ALCAM: variants seen among roughly 807,000 people sequenced by gnomAD.
The protein encoded by ALCAM is CD166 antigen.
ALCAM carries 30 observed loss-of-function variants against 70.9 expected under a neutral mutation model. The ratio of observed to expected loss-of-function variants is 0.42; its 90% CI spans 0.32 to 0.57. The LOEUF (loss-of-function observed/expected upper bound fraction) is 0.57. Among genes scored for constraint, ALCAM ranks in the 20% least tolerant of loss-of-function variants. ALCAM has a pLI of 0.11. For missense variants in ALCAM, 591 were observed against 695.1 expected, an observed-to-expected ratio of 0.85 and a Z score of 1.68; for synonymous variants, 249 against 242.5, an observed-to-expected ratio of 1.03 and a Z score of -0.25.
At chr3:105,513,888 G>A (rs1310272368) in intron 1 of ALCAM, among the ~76,000 whole-genome samples, 1 of 151,888 alleles carries the variant, frequency 6.6e-6, no homozygotes, top group Non-Finnish European at 1.5e-5. Flanking sequence ...TGTTCCTTAT[G>A]AAGATCAAAG....
chr3:105,564,811 C>T (rs1940708555), intron 14 of ALCAM, among the ~76,000 whole-genome samples: 2 of 152,172 alleles, frequency 1.3e-5, no homozygotes, highest in African/African-American at 2.4e-5. Flanking sequence ...TTCGGGAGGC[C>T]GAGGCAGGCA....
intron 1 of ALCAM, among the ~76,000 whole-genome samples, chr3:105,384,113 T>C (rs1935592037): frequency 6.6e-6 from 1 of 151,662 alleles, no homozygotes; most frequent in Non-Finnish European, 1.5e-5. Context: ...AATCTGGTTT[T>C]ATTTTTACAA....
intron 1 of ALCAM, among the ~76,000 whole-genome samples, chr3:105,505,331 C>T (rs1345056144): frequency 2.0e-5 from 3 of 152,260 alleles, no homozygotes; most frequent in African/African-American, 7.2e-5. Context: ...GAACCAGGGA[C>T]ATCTTACATG....
intron 1 of ALCAM, among the ~76,000 whole-genome samples, chr3:105,471,486 C>T (rs1405811179): frequency 2.6e-5 from 4 of 151,112 alleles, no homozygotes; most frequent in Admixed American, 6.6e-5. Context: ...CACGTAAATA[C>T]GACTTCATTT....
At chr3:105,552,806 G>A (rs749181593) in intron 14 of ALCAM, 1 of 1,338,602 alleles carries the variant, frequency 7.5e-7, no homozygotes, top group African/African-American at 1.5e-5. Flanking sequence ...CCGTTTATTT[G>A]TCTCAATCAA....
At chr3:105,559,893 G>C (rs1393607752) in intron 14 of ALCAM, among the ~76,000 whole-genome samples, 3 of 152,010 alleles carry the variant, frequency 2.0e-5, no homozygotes, top group Non-Finnish European at 2.9e-5. Context: ...CCTATGAGTG[G>C]CTTCTTTTTT....
At chr3:105,544,427 G>GTTTC in intron 8 of ALCAM, among the ~76,000 whole-genome samples, 1 of 151,368 alleles carries the variant, frequency 6.6e-6, no homozygotes, top group Non-Finnish European at 1.5e-5. Context: ...GTCTTCATTT[G>GTTTC]TACCTCTGTT....
chr3:105,387,930 T>C (rs1214320260), intron 1 of ALCAM, among the ~76,000 whole-genome samples: 1 of 151,608 alleles, frequency 6.6e-6, no homozygotes, highest in African/African-American at 2.4e-5. Flanking sequence ...GCATTATCTC[T>C]TTTTTTAATA....
intron 1 of ALCAM, among the ~76,000 whole-genome samples, chr3:105,519,602 A>G (rs1330015091): frequency 6.6e-6 from 1 of 152,136 alleles, no homozygotes; most frequent in Non-Finnish European, 1.5e-5. Context: ...TGAATTTTAC[A>G]GAAGAAAAAT....
intron 8 of ALCAM, among the ~76,000 whole-genome samples, chr3:105,542,615 A>G (rs1226531380): frequency 2.0e-5 from 3 of 151,880 alleles, no homozygotes; most frequent in African/African-American, 7.2e-5. Context: ...TCTAGACATC[A>G]TCCACTACAA....
At chr3:105,569,391 A>G (rs1360236897) in intron 14 of ALCAM, among the ~76,000 whole-genome samples, 1 of 152,156 alleles carries the variant, frequency 6.6e-6, no homozygotes, top group African/African-American at 2.4e-5. Flanking sequence ...TATAGAAATT[A>G]TAGTTATTAG....
chr3:105,422,452 T>C (rs1212307993), intron 1 of ALCAM, among the ~76,000 whole-genome samples: 3 of 151,500 alleles, frequency 2.0e-5, no homozygotes, highest in Non-Finnish European at 4.4e-5. Context: ...ATGCACTTTT[T>C]GTATGCCAAT....
intron 1 of ALCAM, among the ~76,000 whole-genome samples, chr3:105,503,990 A>G (rs1938994242): frequency 6.6e-6 from 1 of 152,222 alleles, no homozygotes; most frequent in Non-Finnish European, 1.5e-5. Context: ...CATTATTCCA[A>G]TAAATAAAAG....
intron 11 of ALCAM, among the ~76,000 whole-genome samples, chr3:105,549,679 TATAC>T (rs1321026242): frequency 3.3e-5 from 5 of 151,372 alleles, no homozygotes; most frequent in Non-Finnish European, 5.9e-5. Flanking sequence ...ATGAGCAAAT[TATAC>T]ATACATACAT....
chr3:105,373,949 G>A (rs1403198593), intron 1 of ALCAM, among the ~76,000 whole-genome samples: 2 of 152,136 alleles, frequency 1.3e-5, no homozygotes, highest in Non-Finnish European at 2.9e-5. Context: ...AAACCATCAT[G>A]AAAGAACAGA....
At chr3:105,504,064 A>G (rs2152617164) in intron 1 of ALCAM, among the ~76,000 whole-genome samples, 1 of 152,334 alleles carries the variant, frequency 6.6e-6, no homozygotes, top group South Asian at 2.1e-4. Context: ...AGCAACTTAT[A>G]CTTATTAATT....
chr3:105,442,029 A>ATGT (rs1481585077), intron 1 of ALCAM, among the ~76,000 whole-genome samples: 1 of 152,232 alleles, frequency 6.6e-6, no homozygotes, highest in African/African-American at 2.4e-5. Context: ...AAAATAACCA[A>ATGT]AGGTATTTAA....
chr3:105,573,283 T>C (rs2152636722), intron 15 of ALCAM, among the ~76,000 whole-genome samples: 1 of 152,280 alleles, frequency 6.6e-6, no homozygotes, highest in South Asian at 2.1e-4. Flanking sequence ...GCCAAGATGG[T>C]GCCACTGCAC....
intron 14 of ALCAM, among the ~76,000 whole-genome samples, chr3:105,563,577 G>A (rs1940674341): frequency 6.8e-6 from 1 of 145,986 alleles, no homozygotes; most frequent in Non-Finnish European, 1.5e-5. Context: ...ATATCGGTAT[G>A]TTGTGTTTTC....
Sources: gnomAD v4.1 joint callset for allele counts (sites outside exome capture counted in the v4.1 genomes callset) on GRCh38, gnomAD v4.1.1 for gene constraint, MANE v1.5 for transcripts, NCBI Gene and HGNC (gene_info 2026-07-23, HGNC 2026-07-21) for gene names.